Variants in EPHA5 observed in about 807,000 individuals in gnomAD.
EPHA5 encodes the protein ephrin type-A receptor 5.
A neutral mutation model predicts 105.0 loss-of-function variants in EPHA5; 60 were observed. The ratio of observed to expected loss-of-function variants is 0.57; its 90% CI spans 0.46 to 0.71. EPHA5 has a LOEUF of 0.71. Among genes scored for constraint, EPHA5 ranks in the 30% least tolerant of loss-of-function variants. EPHA5 has a pLI of 0.00. For synonymous variants in EPHA5, 513 were observed against 449.1 expected (o/e 1.14, Z -1.80); for missense variants, 1,218 against 1,274.7 (o/e 0.96, Z 0.68).
intron 3 of EPHA5, among the ~76,000 whole-genome samples, chr4:65,533,614 C>T (rs914744624): frequency 6.6e-6 from 1 of 151,998 alleles, no homozygotes; most frequent in African/African-American, 2.4e-5. Flanking sequence ...AGAGATTTTT[C>T]CACCACACAA....
At chr4:65,641,561 A>G (rs1230343135) in intron 2 of EPHA5, among the ~76,000 whole-genome samples, 1 of 152,176 alleles carries the variant, frequency 6.6e-6, no homozygotes, top group Non-Finnish European at 1.5e-5. Context: ...CTATCATTGT[A>G]TATACCTTGA....
chr4:65,659,936 A>G (rs1338114033), intron 1 of EPHA5, among the ~76,000 whole-genome samples: 1 of 152,186 alleles, frequency 6.6e-6, no homozygotes, highest in African/African-American at 2.4e-5. Context: ...AACTAAAGGT[A>G]GAGGTGTCGA....
At chr4:65,594,450 C>G (rs2149422630) in intron 3 of EPHA5, among the ~76,000 whole-genome samples, 1 of 152,192 alleles carries the variant, frequency 6.6e-6, no homozygotes, top group East Asian at 1.9e-4. Flanking sequence ...GAGACCTGCC[C>G]AAAGTGAAAT....
intron 14 of EPHA5, among the ~76,000 whole-genome samples, chr4:65,344,328 G>C (rs1055367116): frequency 6.6e-6 from 1 of 152,078 alleles, no homozygotes; most frequent in Non-Finnish European, 1.5e-5. Flanking sequence ...TACTAATACA[G>C]ACCCACTGGC....
At chr4:65,647,010 C>CA (rs971743266) in intron 1 of EPHA5, among the ~76,000 whole-genome samples, 3 of 151,844 alleles carry the variant, frequency 2.0e-5, no homozygotes, top group African/African-American at 4.8e-5. Flanking sequence ...ACTAGTAAAA[C>CA]AAAAAATCAA....
intron 3 of EPHA5, among the ~76,000 whole-genome samples, chr4:65,512,083 G>A (rs185902985): frequency 4.2e-3 from 643 of 152,260 alleles, no homozygotes; most frequent in Non-Finnish European, 7.2e-3. Context: ...AAGAGAATAA[G>A]TGAGAGGAAT....
Position 65,571,687 on chromosome 4 carries a change from T to A in EPHA5, c.910+29954A>T, listed in dbSNP as rs1032153382. On this transcript the variant is annotated intron_variant, in intron 3 of 16. Transcript: ENST00000613740. Reference sequence around the variant, plus strand: ...TAAGTTGATTCTTAGGTCTTACGTATGTTTTACTTTTCAATAAAAATATGT... The same window carrying A: ...TAAGTTGATTCTTAGGTCTTACGTAAGTTTTACTTTTCAATAAAAATATGT... 2.6e-5 allele frequency among the ~76,000 whole-genome samples: 4 copies of A among 152,224 alleles called. No individual in the cohort carries two copies. In the East Asian group the frequency reaches 7.7e-4, roughly 29 times the overall value.
At chr4:65,464,739 A>G (rs2149138978) in intron 5 of EPHA5, among the ~76,000 whole-genome samples, 1 of 152,320 alleles carries the variant, frequency 6.6e-6, no homozygotes, top group African/African-American at 2.4e-5. Flanking sequence ...AGAAATAATT[A>G]GTATTAGTAT....
chr4:65,564,718 T>C (rs2149362952), intron 3 of EPHA5, among the ~76,000 whole-genome samples: 1 of 151,848 alleles, frequency 6.6e-6, no homozygotes, highest in South Asian at 2.1e-4. Flanking sequence ...TAGATAAATA[T>C]CTGTTGTAAT....
intron 2 of EPHA5, among the ~76,000 whole-genome samples, chr4:65,613,749 T>A (rs1188859065): frequency 6.6e-6 from 1 of 152,034 alleles, no homozygotes; most frequent in Non-Finnish European, 1.5e-5. Flanking sequence ...TTTGAATAAA[T>A]GTATACCTCA....
intron 3 of EPHA5, among the ~76,000 whole-genome samples, chr4:65,543,810 C>T (rs1578384882): frequency 1.3e-5 from 2 of 152,122 alleles, no homozygotes; most frequent in East Asian, 1.9e-4. Context: ...ATCACACTAC[C>T]TGACTTTAAA....
intron 8 of EPHA5, among the ~76,000 whole-genome samples, chr4:65,392,311 T>G (rs1021558455): frequency 2.0e-5 from 3 of 152,180 alleles, no homozygotes; most frequent in Non-Finnish European, 4.4e-5. Flanking sequence ...TCACATCTAT[T>G]GCTAACTCAT....
chr4:65,499,814 A>C (rs2149237859), intron 3 of EPHA5, among the ~76,000 whole-genome samples: 1 of 144,890 alleles, frequency 6.9e-6, no homozygotes, highest in Non-Finnish European at 1.5e-5. Flanking sequence ...ACATGTAAAT[A>C]AATAAATGTA....
intron 10 of EPHA5, among the ~76,000 whole-genome samples, chr4:65,365,652 T>TAA (rs1171186902): frequency 1.8e-4 from 3 of 16,692 alleles, no homozygotes; most frequent in African/African-American, 6.1e-4. Context: ...AAATTCACTA[T>TAA]ATATATATAT....
intron 3 of EPHA5, among the ~76,000 whole-genome samples, chr4:65,504,610 C>G (rs1046316297): frequency 6.6e-6 from 1 of 151,876 alleles, no homozygotes; most frequent in Non-Finnish European, 1.5e-5. Context: ...GTGTATGTCT[C>G]CATCTCGACA....
chr4:65,590,681 T>A (rs2149414595), intron 3 of EPHA5, among the ~76,000 whole-genome samples: 1 of 152,286 alleles, frequency 6.6e-6, no homozygotes, highest in South Asian at 2.1e-4. Flanking sequence ...AAGCTACACT[T>A]GCTATTAGTC....
chr4:65,554,981 C>CAAAAAAAAAAAAAAAAAAAAAA (rs71205383), intron 3 of EPHA5, among the ~76,000 whole-genome samples: 1 of 92,622 alleles, frequency 1.1e-5, no homozygotes, highest in Non-Finnish European at 2.1e-5. Context: ...TATACAACAG[C>CAAAAAAAAAAAAAAAAAAAAAA]AAAAAAAAAA....
chr4:65,586,226 C>T (rs1381699916), intron 3 of EPHA5, among the ~76,000 whole-genome samples: 1 of 151,530 alleles, frequency 6.6e-6, no homozygotes, highest in Non-Finnish European at 1.5e-5. Context: ...ATGAAACCAT[C>T]TTTTCTACTT....
chr4:65,585,120 TTG>T (rs76180882), intron 3 of EPHA5, among the ~76,000 whole-genome samples: 3,118 of 148,896 alleles, frequency 0.021, 46 homozygotes, highest in African/African-American at 0.042. Context: ...GCATGTGTGT[TTG>T]TGTGTGTGTG....
Sources: allele counts gnomAD v4.1 joint callset (sites outside exome capture counted in the v4.1 genomes callset), GRCh38; gene constraint gnomAD v4.1.1; transcripts MANE v1.5; gene names NCBI Gene and HGNC (gene_info 2026-07-23, HGNC 2026-07-21).